The following STAU2 variants were observed in gnomAD, a reference collection of about 807,000 sequenced individuals.
STAU2 encodes the protein double-stranded RNA-binding protein Staufen homolog 2.
STAU2 carries 20 observed loss-of-function variants against 65.9 expected under a neutral mutation model. That is an observed-to-expected ratio of 0.30 (90% confidence interval 0.21 to 0.44). The LOEUF is 0.44. STAU2 is among the 20% of genes least tolerant of loss of function. The pLI is 1.00. For synonymous variants in STAU2, 232 were observed against 233.9 expected, an observed-to-expected ratio of 0.99 and a Z score of 0.07; for missense variants, 558 against 683.9, an observed-to-expected ratio of 0.82 and a Z score of 2.05.
chr8:73,432,273 A>T (rs1360458997), intron 13 of STAU2, among the ~76,000 whole-genome samples: 1 of 152,246 alleles, frequency 6.6e-6, no homozygotes, highest in African/African-American at 2.4e-5. Flanking sequence ...CAGTAGTCAT[A>T]TATGCAGTTA....
intron 13 of STAU2, among the ~76,000 whole-genome samples, chr8:73,481,278 GCA>G: frequency 6.6e-6 from 1 of 151,790 alleles, no homozygotes; most frequent in Non-Finnish European, 1.5e-5. Flanking sequence ...TTGGAACCCT[GCA>G]CAGCCAGCGC....
At chr8:73,507,792 C>T (rs72659468) in intron 13 of STAU2, among the ~76,000 whole-genome samples, 130 of 152,332 alleles carry the variant, frequency 8.5e-4, no homozygotes, top group Admixed American at 2.2e-3. Context: ...CTTCAATGAT[C>T]TTAGCCAGAT....
chr8:73,600,482 AAC>A (rs1182388271), intron 10 of STAU2, among the ~76,000 whole-genome samples: 1 of 152,226 alleles, frequency 6.6e-6, no homozygotes, highest in Non-Finnish European at 1.5e-5. Flanking sequence ...CACCTGCCGT[AAC>A]AGTGTCTGCC....
chr8:73,541,035 G>A lies in STAU2; in HGVS notation c.1530+10977C>T, dbSNP rs1195567033. On this transcript the variant is annotated intron_variant, in intron 13 of 14. Coordinates refer to ENST00000524300, the MANE Select transcript of STAU2 (RefSeq NM_001164380.2). ...GACTGCTAAACTTCACATGCACAAG[G>A]GAGATCTTGGAAGGCCCAATGGAAA... is the stretch of plus-strand genomic sequence containing the variant. 2.0e-5 allele frequency among the ~76,000 whole-genome samples: 3 copies of A among 152,280 alleles called. No homozygotes were observed. In the East Asian group the frequency reaches 5.8e-4, roughly 29 times the overall value.
At chr8:73,658,945 A>AC (rs199789244) in intron 6 of STAU2, among the ~76,000 whole-genome samples, 22,943 of 107,320 alleles carry the variant, frequency 0.21, 2,269 homozygotes, top group Non-Finnish European at 0.28. Flanking sequence ...AAAAACAACA[A>AC]AAAAAAAAAA....
chr8:73,564,249 T>C (rs1168183955), intron 12 of STAU2, among the ~76,000 whole-genome samples: 1 of 152,190 alleles, frequency 6.6e-6, no homozygotes, highest in African/African-American at 2.4e-5. Flanking sequence ...ATATTTAGTT[T>C]TCCCGGCACC....
At chr8:73,576,374 G>A (rs1192904410) in intron 12 of STAU2, among the ~76,000 whole-genome samples, 1 of 151,636 alleles carries the variant, frequency 6.6e-6, no homozygotes, top group East Asian at 1.9e-4. Flanking sequence ...ATTCCAGAGG[G>A]CAATATACCA....
At chr8:73,641,386 C>A (rs1746785859) in intron 6 of STAU2, among the ~76,000 whole-genome samples, 1 of 152,004 alleles carries the variant, frequency 6.6e-6, no homozygotes. Flanking sequence ...AAAAAAGAAT[C>A]CTGGTAGTTT....
intron 6 of STAU2, among the ~76,000 whole-genome samples, chr8:73,647,101 G>A (rs1436154004): frequency 1.3e-5 from 2 of 152,172 alleles, no homozygotes; most frequent in African/African-American, 4.8e-5. Flanking sequence ...AGGATGAGAA[G>A]AAACTGAATC....
chr8:73,730,207 A>C (rs992210375), intron 3 of STAU2, among the ~76,000 whole-genome samples: 2 of 152,172 alleles, frequency 1.3e-5, no homozygotes, highest in Admixed American at 1.3e-4. Flanking sequence ...TAAGTCACAT[A>C]TATTGTTTCC....
At chr8:73,555,746 G>C (rs1288676384) in intron 12 of STAU2, among the ~76,000 whole-genome samples, 1 of 152,166 alleles carries the variant, frequency 6.6e-6, no homozygotes, top group Non-Finnish European at 1.5e-5. Flanking sequence ...TGATGCCATT[G>C]CCATTTTCTA....
At chr8:73,528,639 A>G (rs1388357843) in intron 13 of STAU2, among the ~76,000 whole-genome samples, 1 of 152,178 alleles carries the variant, frequency 6.6e-6, no homozygotes, top group Non-Finnish European at 1.5e-5. Flanking sequence ...CCTATTTATT[A>G]TATTAGAGAG....
intron 6 of STAU2, among the ~76,000 whole-genome samples, chr8:73,643,705 T>C (rs1006296173): frequency 6.6e-6 from 1 of 152,202 alleles, no homozygotes; most frequent in Non-Finnish European, 1.5e-5. Context: ...TGTTTGAAAA[T>C]GCCCCCATGT....
At chr8:73,471,556 C>G (rs1358816137) in intron 13 of STAU2, among the ~76,000 whole-genome samples, 1 of 148,334 alleles carries the variant, frequency 6.7e-6, no homozygotes, top group Non-Finnish European at 1.5e-5. Context: ...TGGTGGCTCA[C>G]GCCTGTAATC....
At chr8:73,661,239 A>G (rs1816807020) in intron 6 of STAU2, among the ~76,000 whole-genome samples, 1 of 152,156 alleles carries the variant, frequency 6.6e-6, no homozygotes, top group South Asian at 2.1e-4. Context: ...TATAATAACA[A>G]TCAGTGCACA....
rs185615736 is a variant in STAU2, at chr8:73,574,283, C to T, written c.1222+8487G>A. ...AGGTGCTGGAGAGGATGTGGAGAAACAGGAACACTTTTACACTGTAGGTGG... is the reference window on the plus strand; with the variant it reads ...AGGTGCTGGAGAGGATGTGGAGAAATAGGAACACTTTTACACTGTAGGTGG... On this transcript the variant is annotated intron_variant, in intron 12 of 14. Transcript: ENST00000524300. Among the ~76,000 whole-genome samples, 85 of 152,208 alleles carry T rather than the reference C, an allele frequency of 5.6e-4. 1 individual carries two copies. Among genetic ancestry groups the T allele is most frequent in the Non-Finnish European group, 3.2e-4 (22 of 67,972 alleles).
intron 3 of STAU2, among the ~76,000 whole-genome samples, chr8:73,730,085 T>C (rs1271638304): frequency 6.6e-6 from 1 of 152,212 alleles, no homozygotes; most frequent in Non-Finnish European, 1.5e-5. Flanking sequence ...TTGCATTTTC[T>C]AGTTTCTTTA....
intron 13 of STAU2, among the ~76,000 whole-genome samples, chr8:73,434,818 T>C (rs781045842): frequency 3.3e-5 from 5 of 151,920 alleles, no homozygotes; most frequent in Non-Finnish European, 5.9e-5. Flanking sequence ...CTTCAGCCCA[T>C]TGCTCTCTCA....
At chr8:73,516,110 T>G (rs1822712491) in intron 13 of STAU2, among the ~76,000 whole-genome samples, 1 of 151,794 alleles carries the variant, frequency 6.6e-6, no homozygotes, top group African/African-American at 2.4e-5. Context: ...ATTTTTTTTT[T>G]GGTATTTTCT....
Sources: gnomAD v4.1 joint callset for allele counts (sites outside exome capture counted in the v4.1 genomes callset) on GRCh38, gnomAD v4.1.1 for gene constraint, MANE v1.5 for transcripts, NCBI Gene and HGNC (gene_info 2026-07-23, HGNC 2026-07-21) for gene names.